The following TP63 variants were observed in gnomAD, a reference collection of about 807,000 sequenced individuals.
TP63 encodes the protein tumor protein p63.
In TP63, 17 loss-of-function variants were observed where a neutral mutation model predicts 82.8. That is an observed-to-expected ratio of 0.21 (90% CI 0.14 to 0.31). The LOEUF (loss-of-function observed/expected upper bound fraction) is 0.31. Among genes scored for constraint, TP63 ranks in the 10% least tolerant of loss-of-function variants. The pLI is 1.00. For missense variants in TP63, 648 were observed against 895.3 expected, an observed-to-expected ratio of 0.72 and a Z score of 3.52; for synonymous variants, 330 against 321.7, an observed-to-expected ratio of 1.03 and a Z score of -0.28.
At chr3:189,704,715 G>A (rs78425195) in intron 1 of TP63, among the ~76,000 whole-genome samples, 2,375 of 152,316 alleles carry the variant, frequency 0.016, 62 homozygotes, top group African/African-American at 0.054. Context: ...GACAGAATAG[G>A]TTACCTGCAT....
At chr3:189,786,917 A>T (rs893766384) in intron 3 of TP63, among the ~76,000 whole-genome samples, 2 of 152,058 alleles carry the variant, frequency 1.3e-5, no homozygotes, top group Non-Finnish European at 2.9e-5. Flanking sequence ...TCCACATATA[A>T]GCATTGTTGT....
intron 4 of TP63, among the ~76,000 whole-genome samples, chr3:189,853,700 G>A (rs1004452871): frequency 1.3e-5 from 2 of 152,090 alleles, no homozygotes; most frequent in African/African-American, 4.8e-5. Context: ...ATCACTATCT[G>A]ACATAGTAGT....
intron 10 of TP63, among the ~76,000 whole-genome samples, chr3:189,883,486 A>C (rs1344131735): frequency 6.6e-6 from 1 of 152,110 alleles, no homozygotes; most frequent in African/African-American, 2.4e-5. Context: ...CCTCCTATTA[A>C]TTCTTACATA....
chr3:189,887,676 C>T (rs1356570420), intron 11 of TP63, among the ~76,000 whole-genome samples: 3 of 152,084 alleles, frequency 2.0e-5, no homozygotes, highest in Non-Finnish European at 4.4e-5. Flanking sequence ...CTGAACATTG[C>T]ATGGGTATCA....
Position 189,816,204 on chromosome 3 carries a change from T to C in TP63, c.579+7678T>C, listed in dbSNP as rs557461656. On this transcript the variant is annotated intron_variant, in intron 4 of 13. Coordinates refer to ENST00000264731, the MANE Select transcript of TP63 (RefSeq NM_003722.5). Reference sequence around the variant, plus strand: ...TGCCAGAACAAAAATCATCTGATAATTGAAGTATAAAGAGAAAATAATGTC... The same window carrying C: ...TGCCAGAACAAAAATCATCTGATAACTGAAGTATAAAGAGAAAATAATGTC... 3.3e-5 allele frequency among the ~76,000 whole-genome samples: 5 copies of C among 152,326 alleles called. No individual in the cohort carries two copies. The East Asian group carries it at 9.6e-4, about 29-fold the overall frequency.
At chr3:189,745,525 A>G (rs1174564621) in intron 3 of TP63, among the ~76,000 whole-genome samples, 2 of 151,822 alleles carry the variant, frequency 1.3e-5, no homozygotes, top group Admixed American at 1.3e-4. Flanking sequence ...TGATCAACAT[A>G]GTGAAACCCC....
At chr3:189,708,347 C>G (rs926591900) in intron 1 of TP63, among the ~76,000 whole-genome samples, 1 of 152,174 alleles carries the variant, frequency 6.6e-6, no homozygotes, top group Non-Finnish European at 1.5e-5. Flanking sequence ...AAACCACAAT[C>G]TATCTTTGTT....
At chr3:189,673,779 T>C (rs1715143805) in intron 1 of TP63, among the ~76,000 whole-genome samples, 1 of 152,158 alleles carries the variant, frequency 6.6e-6, no homozygotes, top group Non-Finnish European at 1.5e-5. Context: ...GCAATTTACT[T>C]AGCTTAAACT....
intron 3 of TP63, among the ~76,000 whole-genome samples, chr3:189,775,346 T>C (rs1290663481): frequency 6.6e-6 from 1 of 152,206 alleles, no homozygotes; most frequent in African/African-American, 2.4e-5. Flanking sequence ...AAACTCATTC[T>C]GCCTCAAGTC....
chr3:189,777,876 G>A (rs1398377390), intron 3 of TP63, among the ~76,000 whole-genome samples: 1 of 56,718 alleles, frequency 1.8e-5, no homozygotes, highest in Non-Finnish European at 3.0e-5. Flanking sequence ...TTTTTTTTGA[G>A]TCAGAGTCTT....
At chr3:189,830,538 AATG>A (rs1712163920) in intron 4 of TP63, among the ~76,000 whole-genome samples, 1 of 152,226 alleles carries the variant, frequency 6.6e-6, no homozygotes, top group Admixed American at 6.5e-5. Context: ...CACAAACCAC[AATG>A]ATATGCTTAT....
At chr3:189,657,908 A>T (rs974757560) in intron 1 of TP63, among the ~76,000 whole-genome samples, 9 of 152,070 alleles carry the variant, frequency 5.9e-5, no homozygotes, top group Admixed American at 6.6e-5. Context: ...ACTGGTACAG[A>T]AGCAAGGACA....
At chr3:189,707,554 G>C (rs555684730) in intron 1 of TP63, among the ~76,000 whole-genome samples, 1 of 152,168 alleles carries the variant, frequency 6.6e-6, no homozygotes, top group Non-Finnish European at 1.5e-5. Flanking sequence ...AGAGGATAAG[G>C]ATATATTTAT....
chr3:189,616,771 T>C, the TP63 span, among the ~76,000 whole-genome samples: 20 of 152,340 alleles, frequency 1.3e-4, no homozygotes, highest in Admixed American at 2.0e-4. Context: ...GGTCAAGTTT[T>C]CATTGCTTCC....
chr3:189,835,128 T>C (rs1455375022), intron 4 of TP63, among the ~76,000 whole-genome samples: 2 of 152,170 alleles, frequency 1.3e-5, no homozygotes, highest in Non-Finnish European at 2.9e-5. Context: ...CCCACACATA[T>C]AAAGCTCTAG....
chr3:189,744,098 T>C (rs1036136340), intron 3 of TP63, among the ~76,000 whole-genome samples: 1 of 152,070 alleles, frequency 6.6e-6, no homozygotes, highest in African/African-American at 2.4e-5. Flanking sequence ...CATCTCCACA[T>C]CCTTGAAGCA....
intron 3 of TP63, among the ~76,000 whole-genome samples, chr3:189,773,182 G>C (rs1319148639): frequency 6.6e-6 from 1 of 152,196 alleles, no homozygotes; most frequent in East Asian, 1.9e-4. Flanking sequence ...TACAATGTTT[G>C]GATCTGAAAA....
chr3:189,869,173 C>T lies in TP63; in HGVS notation c.1130-151C>T, dbSNP rs1205051179. On this transcript the variant is annotated intron_variant, in intron 8 of 13. Coordinates refer to ENST00000264731, the MANE Select transcript of TP63 (RefSeq NM_003722.5). Reference sequence around the variant, plus strand: ...TTAAATGGACGCTTAGGGCTAGAGCCTCTAATCTTACATGTGTTGCTGGTA... The same window carrying T: ...TTAAATGGACGCTTAGGGCTAGAGCTTCTAATCTTACATGTGTTGCTGGTA... 1.8e-5 allele frequency: 12 copies of T among 679,028 alleles called. No homozygotes were observed. In the East Asian group the frequency reaches 2.8e-4, roughly 16 times the overall value. The allele number at this position is 679,028 out of a possible 1,614,324, so 42.1% of individuals were successfully genotyped here.
chr3:189,648,820 T>C (rs1712639134), intron 1 of TP63, among the ~76,000 whole-genome samples: 2 of 145,970 alleles, frequency 1.4e-5, no homozygotes, highest in Admixed American at 1.4e-4. Flanking sequence ...TGTAAAACCA[T>C]TTCACATATA....
Sources: allele counts gnomAD v4.1 joint callset (sites outside exome capture counted in the v4.1 genomes callset), GRCh38; gene constraint gnomAD v4.1.1; transcripts MANE v1.5; gene names NCBI Gene and HGNC (gene_info 2026-07-23, HGNC 2026-07-21).